Variants in SLC22A3 observed in about 807,000 individuals in gnomAD.
SLC22A3 encodes solute carrier family 22 member 3, also known as EMT organic cation transporter 3.
A neutral mutation model predicts 59.1 loss-of-function variants in SLC22A3; 51 were observed. The observed-to-expected ratio is 0.86, with a 90% confidence interval of 0.69 to 1.09. The LOEUF (loss-of-function observed/expected upper bound fraction) is 1.09. Ranked by LOEUF, SLC22A3 falls within the 50% of genes least tolerant of loss-of-function variation. The pLI is 0.00. For missense variants in SLC22A3, 711 were observed against 726.3 expected (o/e 0.98, Z 0.24); for synonymous variants, 325 against 292.0 (o/e 1.11, Z -1.15).
chr6:160,420,887 G>A (rs1028667695), intron 5 of SLC22A3, among the ~76,000 whole-genome samples: 2 of 152,200 alleles, frequency 1.3e-5, no homozygotes, highest in South Asian at 2.1e-4. Flanking sequence ...CTTGCCAGCC[G>A]TTCCCGGGAT....
chr6:160,368,841 G>C (rs960250787), intron 1 of SLC22A3, among the ~76,000 whole-genome samples: 2 of 152,112 alleles, frequency 1.3e-5, no homozygotes, highest in Non-Finnish European at 1.5e-5. Context: ...ATATTTCACC[G>C]TTCTGCTCAT....
At position 160,424,264 on chromosome 6, in the gene SLC22A3, T is replaced by TA. The variant is rs796594445; in HGVS notation, c.976-12508dup. Among the ~76,000 whole-genome samples the TA allele has an allele frequency of 3.7e-4, 56 of 152,036 alleles. No individual in the cohort carries two copies. The East Asian group carries it at 7.3e-3, about 20-fold the overall frequency. On this transcript the variant is annotated intron_variant, in intron 5 of 10. Transcript: ENST00000275300. Reference sequence around the variant, plus strand: ...TTGAATGAATTAATACATCTTGGATTAAAAAAAATGTACTTTCTTCAGATA... The same window carrying TA: ...TTGAATGAATTAATACATCTTGGATTAAAAAAAAATGTACTTTCTTCAGATA...
intron 5 of SLC22A3, among the ~76,000 whole-genome samples, chr6:160,435,815 T>C (rs138576671): frequency 6.6e-6 from 1 of 152,300 alleles, no homozygotes; most frequent in African/African-American, 2.4e-5. Context: ...GAGGAACAGA[T>C]ATGACCAGGG....
At chr6:160,350,181 G>A (rs917918133) in intron 1 of SLC22A3, among the ~76,000 whole-genome samples, 4 of 151,978 alleles carry the variant, frequency 2.6e-5, no homozygotes, top group Admixed American at 2.6e-4. Flanking sequence ...TGTTCGCACA[G>A]TGGATGGCTC....
chr6:160,417,589 C>T (rs1787553533), intron 5 of SLC22A3, among the ~76,000 whole-genome samples: 1 of 152,178 alleles, frequency 6.6e-6, no homozygotes. Flanking sequence ...TGGAGAGATT[C>T]ACATTTTCCC....
chr6:160,405,990 T>C (rs1467173599), intron 2 of SLC22A3, among the ~76,000 whole-genome samples: 1 of 152,136 alleles, frequency 6.6e-6, no homozygotes, highest in Non-Finnish European at 1.5e-5. Flanking sequence ...TTAGATACTT[T>C]AATGGTGGAT....
intron 3 of SLC22A3, among the ~76,000 whole-genome samples, chr6:160,408,228 C>A (rs1340674604): frequency 6.6e-6 from 1 of 152,046 alleles, no homozygotes; most frequent in South Asian, 2.1e-4. Flanking sequence ...TAGAGCATAT[C>A]CTGTCAATGA....
At chr6:160,422,901 A>G (rs1787799563) in intron 5 of SLC22A3, among the ~76,000 whole-genome samples, 1 of 151,976 alleles carries the variant, frequency 6.6e-6, no homozygotes, top group Non-Finnish European at 1.5e-5. Flanking sequence ...TTACATATGT[A>G]TACATGTGCC....
intron 5 of SLC22A3, among the ~76,000 whole-genome samples, chr6:160,434,700 G>A (rs955295269): frequency 6.6e-6 from 1 of 152,064 alleles, no homozygotes; most frequent in Non-Finnish European, 1.5e-5. Context: ...TGATATTCCT[G>A]TCTTGTTTTT....
intron 1 of SLC22A3, among the ~76,000 whole-genome samples, chr6:160,369,690 TTTG>T (rs1785331600): frequency 6.6e-6 from 1 of 152,194 alleles, no homozygotes; most frequent in Admixed American, 6.5e-5. Context: ...ATGTTAGCAT[TTTG>T]TTGTATTTTA....
intron 1 of SLC22A3, among the ~76,000 whole-genome samples, chr6:160,383,105 T>C (rs1200832743): frequency 1.3e-5 from 2 of 152,194 alleles, no homozygotes; most frequent in Non-Finnish European, 2.9e-5. Flanking sequence ...GGAATGGCAG[T>C]GAATTAGGGC....
intron 10 of SLC22A3, among the ~76,000 whole-genome samples, chr6:160,450,427 GCT>G (rs1788907250): frequency 1.3e-5 from 2 of 152,128 alleles, no homozygotes; most frequent in South Asian, 4.2e-4. Context: ...CCTGAAAATC[GCT>G]GTTACTCTGT....
At chr6:160,417,154 G>C (rs1356031159) in intron 5 of SLC22A3, among the ~76,000 whole-genome samples, 1 of 152,154 alleles carries the variant, frequency 6.6e-6, no homozygotes, top group Non-Finnish European at 1.5e-5. Context: ...TGTCAGGCTT[G>C]GCCACCTGAC....
intron 1 of SLC22A3, among the ~76,000 whole-genome samples, chr6:160,367,817 T>C (rs1785259272): frequency 6.6e-6 from 1 of 152,190 alleles, no homozygotes; most frequent in Admixed American, 6.5e-5. Flanking sequence ...CCTGTACCTC[T>C]GTAGTCGGTG....
rs1022558223 is a variant in SLC22A3, at chr6:160,376,312, C to A, written c.430-21667C>A. Among the ~76,000 whole-genome samples the A allele has an allele frequency of 4.7e-5, 7 of 148,316 alleles. 1 individual carries two copies. Among genetic ancestry groups the A allele is most frequent in the Admixed American group, 4.1e-4 (6 of 14,678 alleles). On this transcript the variant is annotated intron_variant, in intron 1 of 10. Transcript: ENST00000275300. ...AACAATGAGAACACATGGACTCAGGCAGGGGAACAACACACACCGGGGCCT... is the reference window on the plus strand; with the variant it reads ...AACAATGAGAACACATGGACTCAGGAAGGGGAACAACACACACCGGGGCCT...
intron 1 of SLC22A3, among the ~76,000 whole-genome samples, chr6:160,352,354 C>T (rs1214829139): frequency 6.6e-6 from 1 of 152,228 alleles, no homozygotes; most frequent in Non-Finnish European, 1.5e-5. Flanking sequence ...ATGTCCGAAT[C>T]TCGGCCTTAT....
At chr6:160,362,844 CG>C (rs1367844895) in intron 1 of SLC22A3, among the ~76,000 whole-genome samples, 1 of 152,208 alleles carries the variant, frequency 6.6e-6, no homozygotes, top group African/African-American at 2.4e-5. Flanking sequence ...GAGGTGGTGC[CG>C]GCAGCCGCGC....
intron 1 of SLC22A3, among the ~76,000 whole-genome samples, chr6:160,352,452 C>T (rs925401394): frequency 2.0e-5 from 3 of 152,136 alleles, no homozygotes; most frequent in African/African-American, 2.4e-5. Context: ...CAATTCACTG[C>T]CCAGGGAGTG....
intron 5 of SLC22A3, among the ~76,000 whole-genome samples, chr6:160,421,455 C>A (rs1787733238): frequency 6.6e-6 from 1 of 152,194 alleles, no homozygotes; most frequent in Admixed American, 6.5e-5. Context: ...AATCTAAATG[C>A]GTGGGCTTCC....
Sources: allele counts gnomAD v4.1 joint callset (sites outside exome capture counted in the v4.1 genomes callset), GRCh38; gene constraint gnomAD v4.1.1; transcripts MANE v1.5; gene names NCBI Gene and HGNC (gene_info 2026-07-23, HGNC 2026-07-21).